Variants in CLYBL observed in about 807,000 individuals in gnomAD.
CLYBL encodes the protein citramalyl-CoA lyase.
A neutral mutation model predicts 38.9 loss-of-function variants in CLYBL; 31 were observed. The observed-to-expected ratio is 0.80, with a 90% CI of 0.60 to 1.08. The LOEUF (loss-of-function observed/expected upper bound fraction) is 1.08, where lower values mean the gene tolerates loss of function less well. CLYBL is among the 50% of genes least tolerant of loss of function. The pLI, the probability that CLYBL is intolerant of heterozygous loss-of-function variation, is 0.00. For missense variants in CLYBL, 434 were observed against 411.6 expected (o/e 1.05, Z -0.47); for synonymous variants, 171 against 158.6 (o/e 1.08, Z -0.59).
chr13:99,749,444 C>G (rs141342826), intron 1 of CLYBL, among the ~76,000 whole-genome samples: 38 of 152,284 alleles, frequency 2.5e-4, no homozygotes, highest in African/African-American at 8.9e-4. Context: ...GAGGGCCGTT[C>G]CTTCCCGGTG....
intron 1 of CLYBL, among the ~76,000 whole-genome samples, chr13:99,613,155 A>T (rs575735866): frequency 5.9e-5 from 9 of 152,028 alleles, no homozygotes; most frequent in Admixed American, 2.6e-4. Flanking sequence ...TCTTATGTTG[A>T]TACTCTGTTT....
At chr13:99,801,449 T>A (rs931006657) in intron 2 of CLYBL, among the ~76,000 whole-genome samples, 1 of 151,900 alleles carries the variant, frequency 6.6e-6, no homozygotes, top group East Asian at 1.9e-4. Context: ...ATTTTTTTTT[T>A]ATCAGCCTGA....
chr13:99,861,782 A>AT, intron 3 of CLYBL, among the ~76,000 whole-genome samples: 2 of 152,186 alleles, frequency 1.3e-5, no homozygotes, highest in Middle Eastern at 6.8e-3. Flanking sequence ...CAGTGATTAG[A>AT]TTTTTTAGGG....
At chr13:99,620,027 TTA>T (rs2046769338) in intron 1 of CLYBL, among the ~76,000 whole-genome samples, 1 of 152,134 alleles carries the variant, frequency 6.6e-6, no homozygotes, top group Non-Finnish European at 1.5e-5. Context: ...TGTTGACCCT[TTA>T]GGTCCTCAGA....
intron 1 of CLYBL, among the ~76,000 whole-genome samples, chr13:99,669,635 A>G (rs912589446): frequency 6.6e-6 from 1 of 152,158 alleles, no homozygotes; most frequent in African/African-American, 2.4e-5. Flanking sequence ...CTTCAATTGC[A>G]TGGATGTTGT....
intron 1 of CLYBL, among the ~76,000 whole-genome samples, chr13:99,682,801 A>C: frequency 6.6e-6 from 1 of 151,706 alleles, no homozygotes; most frequent in Non-Finnish European, 1.5e-5. Context: ...CAGTGGCGTG[A>C]TCTTGGCTCA....
intron 7 of CLYBL, among the ~76,000 whole-genome samples, chr13:99,878,702 C>T (rs2052114009): frequency 6.6e-6 from 1 of 152,152 alleles, no homozygotes; most frequent in South Asian, 2.1e-4. Context: ...AATTTGATGG[C>T]AAATGTGTTA....
chr13:99,871,578 A>G (rs2051899870), intron 7 of CLYBL, among the ~76,000 whole-genome samples: 1 of 152,178 alleles, frequency 6.6e-6, no homozygotes, highest in Non-Finnish European at 1.5e-5. Flanking sequence ...TTTGGATGGA[A>G]TGGAAAGCAA....
At chr13:99,750,744 A>T (rs1267267486) in intron 1 of CLYBL, among the ~76,000 whole-genome samples, 1 of 151,644 alleles carries the variant, frequency 6.6e-6, no homozygotes, top group Non-Finnish European at 1.5e-5. Context: ...TTAAAAAAAA[A>T]ATCTTATGTT....
At chr13:99,898,327 C>T (rs1388982086), downstream of CLYBL, among the ~76,000 whole-genome samples, 1 of 152,122 alleles carries the variant, frequency 6.6e-6, no homozygotes, top group East Asian at 1.9e-4. Context: ...CCAAAGACTC[C>T]ATACTCTAGG....
chr13:99,747,992 G>T (rs939236298), intron 1 of CLYBL, among the ~76,000 whole-genome samples: 1 of 152,060 alleles, frequency 6.6e-6, no homozygotes, highest in Non-Finnish European at 1.5e-5. Flanking sequence ...CAGTGCAGTG[G>T]CGTTAAATAG....
At chr13:99,878,823 T>G (rs527502638) in intron 7 of CLYBL, among the ~76,000 whole-genome samples, 2 of 152,332 alleles carry the variant, frequency 1.3e-5, no homozygotes, top group Non-Finnish European at 2.9e-5. Context: ...TGAAAAGATA[T>G]CGAAAACAAA....
At chr13:99,679,848 T>C (rs1032762096) in intron 1 of CLYBL, among the ~76,000 whole-genome samples, 2 of 152,148 alleles carry the variant, frequency 1.3e-5, no homozygotes, top group African/African-American at 4.8e-5. Flanking sequence ...GTGCACGTTA[T>C]TAAACGTCAT....
chr13:99,778,901 T>C (rs2049579468), intron 2 of CLYBL, among the ~76,000 whole-genome samples: 1 of 152,224 alleles, frequency 6.6e-6, no homozygotes. Context: ...TTTAAATTTA[T>C]TTACTATTTA....
In CLYBL at chr13:99,695,434, T is replaced by C. The variant is rs906470937; in HGVS notation, c.63-77390T>C. Among the ~76,000 whole-genome samples the C allele has an allele frequency of 2.0e-5, 3 of 152,042 alleles. No homozygotes were observed. The East Asian group carries it at 5.8e-4, about 29-fold the overall frequency. On this transcript the variant is annotated intron_variant, in intron 1 of 8. Coordinates refer to ENST00000339105, the MANE Select transcript of CLYBL (RefSeq NM_206808.5). Reference sequence around the variant, plus strand: ...TTTTATGGACAGTCAAGCAGAAATATGATGAGAGAACAAAAGGGTTTGATG... The same window carrying C: ...TTTTATGGACAGTCAAGCAGAAATACGATGAGAGAACAAAAGGGTTTGATG...
At chr13:99,844,920 G>A (rs1019023127) in intron 2 of CLYBL, among the ~76,000 whole-genome samples, 18 of 152,136 alleles carry the variant, frequency 1.2e-4, no homozygotes, top group Non-Finnish European at 1.8e-4. Flanking sequence ...TTAAATTTCC[G>A]TACAATTCCA....
chr13:99,680,594 A>G (rs2047720872), intron 1 of CLYBL, among the ~76,000 whole-genome samples: 1 of 152,214 alleles, frequency 6.6e-6, no homozygotes, highest in Admixed American at 6.5e-5. Flanking sequence ...CTAGTCGAAA[A>G]GCTTGTTTGT....
intron 2 of CLYBL, among the ~76,000 whole-genome samples, chr13:99,812,499 T>C (rs1376069251): frequency 6.6e-6 from 1 of 152,214 alleles, no homozygotes; most frequent in Non-Finnish European, 1.5e-5. Flanking sequence ...TAAATGCCCC[T>C]GTGGCCTTGG....
chr13:99,843,186 C>T (rs560067254), intron 2 of CLYBL, among the ~76,000 whole-genome samples: 4 of 152,106 alleles, frequency 2.6e-5, no homozygotes, highest in Non-Finnish European at 5.9e-5. Flanking sequence ...CCTCAGTGAG[C>T]AGGTAATTTG....
Sources: allele counts gnomAD v4.1 joint callset (sites outside exome capture counted in the v4.1 genomes callset), GRCh38; gene constraint gnomAD v4.1.1; transcripts MANE v1.5; gene names NCBI Gene and HGNC (gene_info 2026-07-23, HGNC 2026-07-21).